The following TENM3 variants were observed in gnomAD, a reference collection of about 807,000 sequenced individuals.
The protein encoded by TENM3 is teneurin-3.
TENM3 carries 63 observed loss-of-function variants against 255.1 expected under a neutral mutation model. The ratio of observed to expected loss-of-function variants is 0.25; its 90% CI spans 0.20 to 0.30. The LOEUF (loss-of-function observed/expected upper bound fraction) is 0.30, where lower values mean the gene tolerates loss of function less well. Ranked by LOEUF, TENM3 falls within the 10% of genes least tolerant of loss-of-function variation. The pLI, the probability that TENM3 is intolerant of heterozygous loss-of-function variation, is 1.00. For missense variants in TENM3, 2,929 were observed against 3,461.1 expected, an observed-to-expected ratio of 0.85 and a Z score of 3.86; for synonymous variants, 1,306 against 1,322.3, an observed-to-expected ratio of 0.99 and a Z score of 0.27.
intron 6 of TENM3, among the ~76,000 whole-genome samples, chr4:182,657,284 C>G (rs1240994516): frequency 6.6e-6 from 1 of 152,162 alleles, no homozygotes; most frequent in Non-Finnish European, 1.5e-5. Context: ...CTTCTCCCCA[C>G]CATACTTCTC....
chr4:181,641,353 G>A, the TENM3 span, among the ~76,000 whole-genome samples: 4 of 151,024 alleles, frequency 2.6e-5, 1 homozygote, highest in East Asian at 6.0e-4. Context: ...CCCCCGGCAG[G>A]GCCCGGTGTG....
the TENM3 span, among the ~76,000 whole-genome samples, chr4:182,129,953 C>CTATATTGAG: frequency 6.6e-6 from 1 of 152,036 alleles, no homozygotes; most frequent in Admixed American, 6.6e-5. Context: ...GTATACAAAT[C>CTATATTGAG]TATATTGAGT....
At chr4:182,156,384 G>A (rs1750702548) in intron 1 of TENM3, among the ~76,000 whole-genome samples, 1 of 151,748 alleles carries the variant, frequency 6.6e-6, no homozygotes, top group Admixed American at 6.6e-5. Context: ...TAGATTCAGG[G>A]GTGCACAGGC....
the TENM3 span, among the ~76,000 whole-genome samples, chr4:181,739,913 T>C: frequency 6.6e-6 from 1 of 152,218 alleles, no homozygotes; most frequent in African/African-American, 2.4e-5. Flanking sequence ...CAAAAATCAC[T>C]TGGCATCATC....
At chr4:182,192,914 A>G (rs1561184136) in intron 1 of TENM3, among the ~76,000 whole-genome samples, 1 of 152,236 alleles carries the variant, frequency 6.6e-6, no homozygotes, top group Non-Finnish European at 1.5e-5. Flanking sequence ...GTCTGTGGCT[A>G]GAAAAATAAA....
intron 13 of TENM3, among the ~76,000 whole-genome samples, chr4:182,716,970 A>G (rs1391847447): frequency 2.0e-5 from 3 of 152,218 alleles, no homozygotes; most frequent in Non-Finnish European, 4.4e-5. Flanking sequence ...GAACACTCCC[A>G]ATAAATAGCT....
chr4:181,515,855 A>T, the TENM3 span, among the ~76,000 whole-genome samples: 1 of 152,188 alleles, frequency 6.6e-6, no homozygotes, highest in Non-Finnish European at 1.5e-5. Flanking sequence ...GGAATATACC[A>T]AAGGAATATA....
chr4:182,118,084 T>C, the TENM3 span, among the ~76,000 whole-genome samples: 5 of 152,152 alleles, frequency 3.3e-5, no homozygotes, highest in Non-Finnish European at 7.3e-5. Flanking sequence ...GTGATCAATT[T>C]TTGCATATTA....
At chr4:181,598,132 C>G in the TENM3 span, among the ~76,000 whole-genome samples, 1 of 152,190 alleles carries the variant, frequency 6.6e-6, no homozygotes, top group African/African-American at 2.4e-5. Context: ...ATTTCACGTG[C>G]TAAGCAATGC....
the TENM3 span, among the ~76,000 whole-genome samples, chr4:182,047,701 C>A: frequency 6.6e-6 from 1 of 151,874 alleles, no homozygotes; most frequent in East Asian, 1.9e-4. Flanking sequence ...GTAGAGGCAG[C>A]AACTCAGAAT....
intron 3 of TENM3, among the ~76,000 whole-genome samples, chr4:182,591,085 G>A (rs1746596036): frequency 1.3e-5 from 2 of 152,068 alleles, no homozygotes; most frequent in Admixed American, 1.3e-4. Context: ...ACAGAGCCTG[G>A]CATAAAGTAA....
chr4:182,497,504 T>C (rs1735891289), intron 3 of TENM3, among the ~76,000 whole-genome samples: 1 of 152,194 alleles, frequency 6.6e-6, no homozygotes, highest in South Asian at 2.1e-4. Context: ...TTTCTAAAAA[T>C]ATGGAACATT....
Position 182,668,740 on chromosome 4 carries a change from AAAGAAACAAGGCAAGAATAC to A in TENM3, c.1112-4264_1112-4245del, listed in dbSNP as rs563749055. ...AACCCCTCAAAATTAATTTGTGGAGAAAGAAACAAGGCAAGAATACCTAGCTTATTAAATGCCTTTGACAT... is the reference window on the plus strand; with the variant it reads ...AACCCCTCAAAATTAATTTGTGGAGACTAGCTTATTAAATGCCTTTGACAT... On this transcript the variant is annotated intron_variant, in intron 6 of 27. Coordinates refer to ENST00000511685, the MANE Select transcript of TENM3 (RefSeq NM_001080477.4). Among the ~76,000 whole-genome samples the A allele has an allele frequency of 3.9e-5, 6 of 152,312 alleles. No homozygotes were observed. The South Asian group carries it at 1.2e-3, about 32-fold the overall frequency.
At chr4:181,450,888 TAAGAA>T in the TENM3 span, among the ~76,000 whole-genome samples, 2 of 152,166 alleles carry the variant, frequency 1.3e-5, no homozygotes, top group African/African-American at 4.8e-5. Context: ...AAGAAACACT[TAAGAA>T]AAGTAATTTT....
chr4:182,524,253 T>A (rs1738885275), intron 3 of TENM3, among the ~76,000 whole-genome samples: 1 of 152,096 alleles, frequency 6.6e-6, no homozygotes, highest in South Asian at 2.1e-4. Context: ...GGGTTATCAT[T>A]TCAAATTGGT....
chr4:181,571,983 A>T, the TENM3 span, among the ~76,000 whole-genome samples: 1 of 152,220 alleles, frequency 6.6e-6, no homozygotes, highest in Non-Finnish European at 1.5e-5. Flanking sequence ...TATAGTGTAT[A>T]TTGGCTCAAA....
At chr4:182,130,243 A>G in the TENM3 span, among the ~76,000 whole-genome samples, 1 of 152,220 alleles carries the variant, frequency 6.6e-6, no homozygotes, top group African/African-American at 2.4e-5. Flanking sequence ...TAAAGGTTTT[A>G]CTGAATTAAA....
At chr4:182,351,841 A>G (rs1404873449) in intron 3 of TENM3, among the ~76,000 whole-genome samples, 1 of 152,204 alleles carries the variant, frequency 6.6e-6, no homozygotes, top group Admixed American at 6.5e-5. Flanking sequence ...CAGGGACAGC[A>G]GTAAACAGGG....
At chr4:181,503,922 T>G in the TENM3 span, among the ~76,000 whole-genome samples, 1 of 152,154 alleles carries the variant, frequency 6.6e-6, no homozygotes, top group African/African-American at 2.4e-5. Context: ...TGGCTGGAAG[T>G]GTCTCCAAGC....
Sources: gnomAD v4.1 joint callset for allele counts (sites outside exome capture counted in the v4.1 genomes callset) on GRCh38, gnomAD v4.1.1 for gene constraint, MANE v1.5 for transcripts, NCBI Gene and HGNC (gene_info 2026-07-23, HGNC 2026-07-21) for gene names.